The following BAZ1A variants were observed in gnomAD, a reference collection of about 807,000 sequenced individuals.
The protein encoded by BAZ1A is bromodomain adjacent to zinc finger domain protein 1A.
A neutral mutation model predicts 185.2 loss-of-function variants in BAZ1A; 50 were observed. That is an observed-to-expected ratio of 0.27 (90% confidence interval 0.22 to 0.34). The LOEUF (loss-of-function observed/expected upper bound fraction) is 0.34. BAZ1A is among the 10% of genes least tolerant of loss of function. The pLI, the probability that BAZ1A is intolerant of heterozygous loss-of-function variation, is 1.00. For synonymous variants in BAZ1A, 571 were observed against 615.6 expected (o/e 0.93, Z 1.07); for missense variants, 1,356 against 1,839.9 (o/e 0.74, Z 4.81).
intron 9 of BAZ1A, among the ~76,000 whole-genome samples, chr14:34,799,130 A>G (rs1881365195): frequency 1.3e-5 from 2 of 150,956 alleles, no homozygotes; most frequent in African/African-American, 4.9e-5. Flanking sequence ...AAACTATCAC[A>G]AGGACAGAAA....
intron 4 of BAZ1A, among the ~76,000 whole-genome samples, chr14:34,814,853 A>C (rs1480219100): frequency 2.0e-5 from 3 of 150,648 alleles, no homozygotes; most frequent in African/African-American, 7.3e-5. Context: ...GGCTCACTGC[A>C]ACCTCCGTTT....
intron 3 of BAZ1A, among the ~76,000 whole-genome samples, chr14:34,826,708 CAGAGA>C (rs1191744120): frequency 1.3e-5 from 2 of 152,256 alleles, no homozygotes; most frequent in Non-Finnish European, 2.9e-5. Context: ...TTGTTGTAGT[CAGAGA>C]ATATACTTTG....
intron 16 of BAZ1A, 92 bp from the exon 17 acceptor site, chr14:34,780,402 A>G: frequency 7.5e-7 from 1 of 1,324,886 alleles, no homozygotes; most frequent in Non-Finnish European, 1.0e-6. Context: ...ACCAGGCATT[A>G]TAGGCTTAGG....
At chr14:34,865,141 C>T (rs1169582784) in intron 2 of BAZ1A, among the ~76,000 whole-genome samples, 1 of 151,980 alleles carries the variant, frequency 6.6e-6, no homozygotes, top group Admixed American at 6.6e-5. Context: ...CGAGCTACTC[C>T]GGAGGCCGAG....
chr14:34,798,598 A>G (rs1160659706), intron 9 of BAZ1A, among the ~76,000 whole-genome samples: 2 of 152,252 alleles, frequency 1.3e-5, no homozygotes, highest in Non-Finnish European at 2.9e-5. Context: ...ACACTTCTCA[A>G]AAGAAGACAT....
At chr14:34,798,149 T>C (rs565266902) in intron 9 of BAZ1A, among the ~76,000 whole-genome samples, 50 of 152,078 alleles carry the variant, frequency 3.3e-4, no homozygotes, top group African/African-American at 1.0e-3. Context: ...GAGGGGCGTG[T>C]CCGCCATTGC....
chr14:34,874,521 T>C lies in BAZ1A; in HGVS notation c.84A>G (p.Lys28=). ...LRPDEEVFYC[K]VTNEIFRHYD... is the part of the protein sequence containing the mutation. ...AGTGGCGGAAGATCTCGTTGGTGAC[T>C]TTACAGTAGAAAACTTCCTCGTCGG... Residue 28 remains lysine (K), a synonymous_variant, in exon 2 of 27, where the codon AAA becomes AAG. Coordinates refer to ENST00000360310, the MANE Select transcript of BAZ1A (RefSeq NM_013448.3). This position sits in a 1 kb window ranked among gnomAD's most constrained non-coding sequence, Gnocchi z 4.7. 6.2e-7 allele frequency: 1 copy of C among 1,612,012 alleles called. No homozygotes were observed. Among genetic ancestry groups the C allele is most frequent in the Non-Finnish European group, 8.5e-7 (1 of 1,179,116 alleles).
At chr14:34,800,706 C>G (rs1216915098) in intron 8 of BAZ1A, among the ~76,000 whole-genome samples, 2 of 152,134 alleles carry the variant, frequency 1.3e-5, no homozygotes, top group Non-Finnish European at 2.9e-5. Flanking sequence ...CCCACCAGAC[C>G]TACTAATTTA....
intron 3 of BAZ1A, among the ~76,000 whole-genome samples, chr14:34,831,367 C>T (rs1334900404): frequency 2.6e-5 from 4 of 152,146 alleles, no homozygotes; most frequent in African/African-American, 9.7e-5. Flanking sequence ...AAAAATCAGT[C>T]CTTGTCTCCC....
chr14:34,809,392 T>G (rs1403379640), intron 5 of BAZ1A, among the ~76,000 whole-genome samples: 1 of 152,176 alleles, frequency 6.6e-6, no homozygotes, highest in Non-Finnish European at 1.5e-5. Flanking sequence ...TAAATAAAAT[T>G]AAAAACTCAG....
chr14:34,784,275 G>A (rs968712400), intron 14 of BAZ1A, among the ~76,000 whole-genome samples: 3 of 145,648 alleles, frequency 2.1e-5, no homozygotes, highest in African/African-American at 7.6e-5. Context: ...GGCTGAGGTT[G>A]GAGAATTGCT....
At chr14:34,866,773 C>T (rs2042868100) in intron 2 of BAZ1A, among the ~76,000 whole-genome samples, 1 of 151,938 alleles carries the variant, frequency 6.6e-6, no homozygotes, top group Admixed American at 6.6e-5. Context: ...ATCTAAACAT[C>T]TTATACTTTA....
chr14:34,818,537 A>G (rs2042038762), intron 4 of BAZ1A, among the ~76,000 whole-genome samples: 1 of 152,138 alleles, frequency 6.6e-6, no homozygotes, highest in Non-Finnish European at 1.5e-5. Flanking sequence ...TTTAGTGTTC[A>G]CTCTCAGTGT....
intron 19 of BAZ1A, 57 bp from the exon 20 acceptor site, chr14:34,773,783 G>C: frequency 2.6e-6 from 4 of 1,531,940 alleles, no homozygotes. Context: ...GTTTCTGAGA[G>C]GTATGAAGTT....
chr14:34,776,720 G>C (rs1392285221), intron 17 of BAZ1A, among the ~76,000 whole-genome samples: 2 of 152,182 alleles, frequency 1.3e-5, no homozygotes, highest in East Asian at 3.8e-4. Context: ...TTAAGGTCAT[G>C]AAGGTGGGGA....
intron 23 of BAZ1A, 69 bp downstream of exon 23, chr14:34,764,638 G>A: frequency 6.5e-7 from 1 of 1,532,938 alleles, no homozygotes; most frequent in Non-Finnish European, 8.8e-7. Context: ...TATTCCATTT[G>A]TATTTGAATA....
intron 12 of BAZ1A, among the ~76,000 whole-genome samples, chr14:34,788,228 G>A (rs1464315229): frequency 6.6e-6 from 1 of 152,046 alleles, no homozygotes; most frequent in Non-Finnish European, 1.5e-5. Flanking sequence ...ATCTTGGCCA[G>A]GCTGACCTTG....
intron 2 of BAZ1A, among the ~76,000 whole-genome samples, chr14:34,871,556 T>C (rs2042948523): frequency 6.6e-6 from 1 of 152,068 alleles, no homozygotes; most frequent in Non-Finnish European, 1.5e-5. Flanking sequence ...TCTCAAAGAG[T>C]TCAGGTTCTT....
At chr14:34,773,519 ACCT>A in intron 20 of BAZ1A, 50 bp downstream of exon 20, 1 of 1,403,034 alleles carries the variant, frequency 7.1e-7, no homozygotes, top group Non-Finnish European at 9.5e-7. Context: ...AAAAAAAAAA[ACCT>A]TAAAATGGCA....
Sources: gnomAD v4.1 joint callset for allele counts (sites outside exome capture counted in the v4.1 genomes callset) on GRCh38, gnomAD v4.1.1 for gene constraint, Gnocchi (gnomAD v3.1) non-coding constraint, MANE v1.5 for transcripts, NCBI Gene and HGNC (gene_info 2026-07-23, HGNC 2026-07-21) for gene names.